RTN3: variants seen among roughly 807,000 people sequenced by gnomAD.
RTN3 encodes reticulon-3.
In RTN3, 49 loss-of-function variants were observed where a neutral mutation model predicts 77.8. The ratio of observed to expected loss-of-function variants is 0.63; its 90% CI spans 0.50 to 0.80. RTN3 has a LOEUF of 0.80. Among genes scored for constraint, RTN3 ranks in the 30% least tolerant of loss-of-function variants. The probability of loss-of-function intolerance (pLI) is 0.00; values close to 1 mark genes in which losing one functional copy is unlikely to be tolerated. For missense variants in RTN3, 1,236 were observed against 1,211.9 expected (o/e 1.02, Z -0.29); for synonymous variants, 464 against 446.9 (o/e 1.04, Z -0.48).
At chr11:63,700,345 G>A (rs955507321) in intron 1 of RTN3, among the ~76,000 whole-genome samples, 4 of 149,120 alleles carry the variant, frequency 2.7e-5, no homozygotes, top group Admixed American at 6.7e-5. Flanking sequence ...GTGTGATCAC[G>A]GTTCACTGCA....
intron 1 of RTN3, among the ~76,000 whole-genome samples, chr11:63,700,777 A>G (rs1466327261): frequency 1.3e-5 from 2 of 151,830 alleles, no homozygotes; most frequent in African/African-American, 2.4e-5. Context: ...GATCTTCTTC[A>G]TTGGTCACTG....
chr11:63,696,877 CTTTCTTT>C (rs1373148279), intron 1 of RTN3, among the ~76,000 whole-genome samples: 3 of 52,246 alleles, frequency 5.7e-5, no homozygotes, highest in Admixed American at 3.5e-4. Flanking sequence ...TTCTTTCTTT[CTTTCTTT>C]TTTTTTTTTT....
At chr11:63,695,419 G>C (rs915013322) in intron 1 of RTN3, among the ~76,000 whole-genome samples, 1 of 152,156 alleles carries the variant, frequency 6.6e-6, no homozygotes, top group Non-Finnish European at 1.5e-5. Context: ...CCCTCGAGGA[G>C]GTGGAGCTTA....
At chr11:63,707,488 T>A (rs1268256140) in intron 2 of RTN3, among the ~76,000 whole-genome samples, 4 of 152,106 alleles carry the variant, frequency 2.6e-5, no homozygotes, top group African/African-American at 7.2e-5. Context: ...ACAAAAAAAA[T>A]TTTTTGACCA....
chr11:63,687,726 C>T (rs954656006), intron 1 of RTN3, among the ~76,000 whole-genome samples: 1 of 152,060 alleles, frequency 6.6e-6, no homozygotes, highest in Non-Finnish European at 1.5e-5. Context: ...GACCTAGACA[C>T]ATTTGCTTTG....
intron 1 of RTN3, among the ~76,000 whole-genome samples, chr11:63,692,413 G>T (rs1379905833): frequency 6.6e-6 from 1 of 151,928 alleles, no homozygotes; most frequent in Non-Finnish European, 1.5e-5. Flanking sequence ...CATTGCAGTA[G>T]ACTCAATGTT....
At chr11:63,700,466 T>C (rs1199115396) in intron 1 of RTN3, among the ~76,000 whole-genome samples, 1 of 151,452 alleles carries the variant, frequency 6.6e-6, no homozygotes, top group Non-Finnish European at 1.5e-5. Flanking sequence ...TAATTTTTTG[T>C]GGAGACAGGA....
chr11:63,681,531 G>A lies in RTN3; in HGVS notation c.-106G>A, dbSNP rs1169360010. The A allele has an allele frequency of 5.0e-6, 6 of 1,190,404 alleles. No individual in the cohort carries two copies. The highest frequency in any genetic ancestry group is 1.6e-5 in the African/African-American group (1 of 63,212). 73.7% of individuals were successfully genotyped at this position (1,190,404 alleles called of 1,614,324 possible). On this transcript the variant is annotated 5_prime_UTR_variant, in exon 1 of 9. Coordinates refer to ENST00000377819, the MANE Select transcript of RTN3 (RefSeq NM_001265589.2). ...TCGGAGTCTGTCCTCGGAGCAGGCG[G>A]AGTAAAGGGACTTGAGCGAGCCAGT...
chr11:63,720,611 TAA>T lies in RTN3; in HGVS notation c.2111_2112del (p.Lys704ArgfsTer8). ...HENESGGSEI[K>X]DIGSKYSEQS... ...AAAATGAGTCCGGTGGTTCTGAAATTAAAGACATTGGAAGCAAATACAGTGAA... is the reference window on the plus strand; with the variant it reads ...AAAATGAGTCCGGTGGTTCTGAAATTAGACATTGGAAGCAAATACAGTGAA... On this transcript the variant is annotated frameshift_variant, in exon 3 of 9. Transcript: ENST00000377819. LOFTEE classifies it high-confidence loss of function. The T allele has an allele frequency of 1.2e-6, 2 of 1,613,776 alleles. No homozygotes were observed. The highest frequency in any genetic ancestry group is 2.2e-5 in the South Asian group (2 of 91,006).
At position 63,719,169 on chromosome 11, in the gene RTN3, A is replaced by G; in HGVS notation, c.667A>G (p.Ile223Val). The stretch of plus-strand genomic sequence containing the variant: ...TACTGAGTACTCTAAGGTAGAAGGC[A>G]TTTATACATATTCTTTGTCTCCATC... Reference protein sequence around the residue: ...PPTEYSKVEGIYTYSLSPSKV... With the variant: ...PPTEYSKVEGVYTYSLSPSKV... Residue 223 changes from isoleucine (I) to valine (V), a missense_variant, in exon 3 of 9, where the codon ATT becomes GTT. This residue lies in a region of RTN3 where 1,056 missense variants were observed against 990.4 expected (regional missense o/e 1.07). Coordinates refer to ENST00000377819, the MANE Select transcript of RTN3 (RefSeq NM_001265589.2). 6.2e-7 allele frequency: 1 copy of G among 1,614,208 alleles called. No homozygotes were observed. The highest frequency in any genetic ancestry group is 1.6e-4 in the Middle Eastern group (1 of 6,062).
At chr11:63,725,483 C>CT in intron 3 of RTN3, among the ~76,000 whole-genome samples, 1 of 150,820 alleles carries the variant, frequency 6.6e-6, no homozygotes, top group Admixed American at 6.6e-5. Context: ...GAGTTTCACT[C>CT]TGTCGCCCAG....
chr11:63,733,839 C>T (rs2012876323), intron 3 of RTN3, among the ~76,000 whole-genome samples: 1 of 151,432 alleles, frequency 6.6e-6, no homozygotes, highest in South Asian at 2.1e-4. Context: ...TGGAGTGAGC[C>T]ATGATTGTAC....
intron 3 of RTN3, among the ~76,000 whole-genome samples, chr11:63,732,447 T>C (rs2012762121): frequency 6.6e-6 from 1 of 151,734 alleles, no homozygotes; most frequent in South Asian, 2.1e-4. Context: ...AGCGCTGAGG[T>C]TATAGGTGTG....
intron 1 of RTN3, among the ~76,000 whole-genome samples, chr11:63,684,129 G>GTTTTT (rs61663789): frequency 1.2e-5 from 1 of 85,258 alleles, no homozygotes; most frequent in African/African-American, 5.2e-5. Flanking sequence ...TTTTCTTTTG[G>GTTTTT]TTTTTTTTTT....
intron 1 of RTN3, among the ~76,000 whole-genome samples, chr11:63,697,594 G>T (rs1467997014): frequency 6.6e-6 from 1 of 151,956 alleles, no homozygotes; most frequent in East Asian, 1.9e-4. Flanking sequence ...TCCTACCTTG[G>T]CCTCCCGAGT....
chr11:63,712,629 G>T (rs1017169354), intron 2 of RTN3, among the ~76,000 whole-genome samples: 1 of 151,824 alleles, frequency 6.6e-6, no homozygotes, highest in Non-Finnish European at 1.5e-5. Context: ...GGGATTATAG[G>T]CATGCGCCAC....
At chr11:63,700,572 C>G (rs1942187516) in intron 1 of RTN3, among the ~76,000 whole-genome samples, 1 of 150,586 alleles carries the variant, frequency 6.6e-6, no homozygotes, top group Non-Finnish European at 1.5e-5. Flanking sequence ...GCGTGAGCCA[C>G]CTCACCTGAC....
intron 1 of RTN3, among the ~76,000 whole-genome samples, chr11:63,691,412 C>T (rs996670168): frequency 2.6e-5 from 4 of 152,022 alleles, no homozygotes; most frequent in Non-Finnish European, 5.9e-5. Flanking sequence ...TGAGCTACTG[C>T]GTCCGACCTA....
intron 2 of RTN3, among the ~76,000 whole-genome samples, chr11:63,713,421 C>CA (rs1288988866): frequency 6.6e-6 from 1 of 151,978 alleles, no homozygotes. Context: ...GCAGTCCTCC[C>CA]ACTTCAGCCT....
Sources: allele counts gnomAD v4.1 joint callset (sites outside exome capture counted in the v4.1 genomes callset), GRCh38; gene constraint gnomAD v4.1.1; regional missense constraint gnomAD v4.1.1; transcripts MANE v1.5; gene names NCBI Gene and HGNC (gene_info 2026-07-23, HGNC 2026-07-21).